IQCJ: variants seen among roughly 807,000 people sequenced by gnomAD.
The protein encoded by IQCJ is IQ domain-containing protein J.
IQCJ carries 9 observed loss-of-function variants against 11.0 expected under a neutral mutation model. The observed-to-expected ratio is 0.82, with a 90% CI of 0.49 to 1.43. The LOEUF is 1.43. Among genes scored for constraint, IQCJ ranks in the 40% most tolerant of loss-of-function variants. The probability of loss-of-function intolerance (pLI) is 0.00; values close to 1 mark genes in which losing one functional copy is unlikely to be tolerated. For synonymous variants in IQCJ, 55 were observed against 51.3 expected (o/e 1.07, Z -0.31); for missense variants, 146 against 133.2 (o/e 1.10, Z -0.47).
downstream of IQCJ, chr3:159,263,853 C>T (rs758695778): frequency 1.0e-4 from 100 of 972,952 alleles, no homozygotes; most frequent in Non-Finnish European, 1.2e-4. Context: ...AGAAATTGAA[C>T]ATTTAGTGAA....
intron 1 of IQCJ, among the ~76,000 whole-genome samples, chr3:159,180,944 G>A (rs1457340666): frequency 6.6e-6 from 1 of 151,940 alleles, no homozygotes; most frequent in African/African-American, 2.4e-5. Context: ...TGTGGCACAA[G>A]CATTTTATCA....
chr3:159,110,266 T>C (rs762121201), intron 1 of IQCJ, among the ~76,000 whole-genome samples: 5 of 152,202 alleles, frequency 3.3e-5, no homozygotes, highest in Admixed American at 2.0e-4. Context: ...CTTGTGAAGA[T>C]TGAATGAAAC....
At chr3:159,083,030 T>G (rs1716432926) in intron 1 of IQCJ, among the ~76,000 whole-genome samples, 1 of 151,982 alleles carries the variant, frequency 6.6e-6, no homozygotes, top group Admixed American at 6.6e-5. Context: ...AATAGAAAAA[T>G]TTTGAAACCT....
At chr3:159,162,515 T>G (rs558947176) in intron 1 of IQCJ, among the ~76,000 whole-genome samples, 6 of 152,200 alleles carry the variant, frequency 3.9e-5, no homozygotes, top group South Asian at 2.1e-4. Flanking sequence ...TAATTGAATA[T>G]CCTTTATTTC....
At chr3:159,169,300 TTTG>T (rs1182462806) in intron 1 of IQCJ, among the ~76,000 whole-genome samples, 2 of 146,510 alleles carry the variant, frequency 1.4e-5, no homozygotes, top group Non-Finnish European at 3.0e-5. Flanking sequence ...TTTTTTTTTT[TTTG>T]ATGGAGTTTT....
intron 1 of IQCJ, among the ~76,000 whole-genome samples, chr3:159,089,634 T>A (rs1197842385): frequency 1.3e-5 from 2 of 151,750 alleles, no homozygotes; most frequent in Non-Finnish European, 2.9e-5. Context: ...TATTCTTTTT[T>A]CTCTAAACTT....
chr3:159,223,104 A>T (rs1725644681), intron 1 of IQCJ, among the ~76,000 whole-genome samples: 2 of 152,176 alleles, frequency 1.3e-5, no homozygotes, highest in South Asian at 4.1e-4. Context: ...TTCCAAGTAT[A>T]CAGAGCACAA....
chr3:159,229,842 CCCT>C (rs979113492), intron 1 of IQCJ, among the ~76,000 whole-genome samples: 1 of 29,500 alleles, frequency 3.4e-5, no homozygotes, highest in African/African-American at 1.6e-4. Context: ...CCCCTCCTTC[CCCT>C]CCTCCTCTTT....
intron 1 of IQCJ, among the ~76,000 whole-genome samples, chr3:159,123,392 C>T (rs1183486899): frequency 6.6e-6 from 1 of 152,130 alleles, no homozygotes; most frequent in Non-Finnish European, 1.5e-5. Flanking sequence ...ACATGCTCCT[C>T]TTAGAAACCT....
intron 1 of IQCJ, among the ~76,000 whole-genome samples, chr3:159,149,988 T>C (rs532633580): frequency 3.3e-5 from 5 of 152,342 alleles, no homozygotes; most frequent in South Asian, 4.1e-4. Flanking sequence ...TTCTTTGCAC[T>C]GTCTCTTTTG....
At chr3:159,157,455 G>C (rs981724236) in intron 1 of IQCJ, among the ~76,000 whole-genome samples, 1 of 152,114 alleles carries the variant, frequency 6.6e-6, no homozygotes, top group East Asian at 1.9e-4. Context: ...CTGGTCAGTG[G>C]AAGCCTTAGG....
chr3:159,257,565 G>A (rs1034735467), intron 3 of IQCJ, among the ~76,000 whole-genome samples: 7 of 152,166 alleles, frequency 4.6e-5, no homozygotes, highest in African/African-American at 1.4e-4. Context: ...GGCGGATACT[G>A]GAGTGGAGGG....
chr3:159,083,609 C>T (rs969915828), intron 1 of IQCJ, among the ~76,000 whole-genome samples: 2 of 152,022 alleles, frequency 1.3e-5, no homozygotes, highest in African/African-American at 4.8e-5. Flanking sequence ...CACTGTTGGA[C>T]ATTTATCTCA....
At chr3:159,253,631 ACACACT>A (rs1727729852) in intron 3 of IQCJ, among the ~76,000 whole-genome samples, 1 of 149,468 alleles carries the variant, frequency 6.7e-6, no homozygotes, top group Non-Finnish European at 1.5e-5. Flanking sequence ...ACACACACAC[ACACACT>A]CACACACTCA....
At chr3:159,120,019 C>G (rs899442222) in intron 1 of IQCJ, among the ~76,000 whole-genome samples, 1 of 152,054 alleles carries the variant, frequency 6.6e-6, no homozygotes, top group Non-Finnish European at 1.5e-5. Flanking sequence ...TTTGTGCATG[C>G]CTTCAATATA....
At chr3:159,138,113 G>C (rs1255232867) in intron 1 of IQCJ, among the ~76,000 whole-genome samples, 1 of 152,206 alleles carries the variant, frequency 6.6e-6, no homozygotes, top group Non-Finnish European at 1.5e-5. Flanking sequence ...GAGGCTCTGA[G>C]ATGCACAGTG....
chr3:159,115,948 A>G (rs184663694), intron 1 of IQCJ, among the ~76,000 whole-genome samples: 29 of 152,314 alleles, frequency 1.9e-4, no homozygotes, highest in Admixed American at 1.7e-3. Flanking sequence ...GAGGGATAGC[A>G]TTAGGAGAAA....
intron 1 of IQCJ, among the ~76,000 whole-genome samples, chr3:159,238,080 GGA>G (rs1379398762): frequency 2.0e-5 from 3 of 152,118 alleles, no homozygotes; most frequent in Admixed American, 1.3e-4. Context: ...GCAAAGGAAG[GGA>G]GAGGAAGGAA....
At chr3:159,260,811 T>A (rs1560046667) in intron 3 of IQCJ, among the ~76,000 whole-genome samples, 1 of 149,054 alleles carries the variant, frequency 6.7e-6, no homozygotes, top group East Asian at 2.0e-4. Flanking sequence ...AAGAGTCCTT[T>A]AAAAAAAAAA....
Sources: gnomAD v4.1 joint callset for allele counts (sites outside exome capture counted in the v4.1 genomes callset) on GRCh38, gnomAD v4.1.1 for gene constraint, MANE v1.5 for transcripts, NCBI Gene and HGNC (gene_info 2026-07-23, HGNC 2026-07-21) for gene names.